Variants in STX8 observed in about 807,000 individuals in gnomAD.
STX8 encodes the protein syntaxin-8.
A neutral mutation model predicts 37.5 loss-of-function variants in STX8; 23 were observed. That is an observed-to-expected ratio of 0.61 (90% CI 0.44 to 0.87). STX8 has a LOEUF of 0.87. Ranked by LOEUF, STX8 falls within the 40% of genes least tolerant of loss-of-function variation. The probability of loss-of-function intolerance (pLI) is 0.00; values close to 1 mark genes in which losing one functional copy is unlikely to be tolerated. For missense variants in STX8, 313 were observed against 284.7 expected, an observed-to-expected ratio of 1.10 and a Z score of -0.71; for synonymous variants, 115 against 99.1, an observed-to-expected ratio of 1.16 and a Z score of -0.95.
intron 7 of STX8, among the ~76,000 whole-genome samples, chr17:9,299,160 C>T (rs1908672391): frequency 6.6e-6 from 1 of 152,064 alleles, no homozygotes. Flanking sequence ...TGGTGACCAA[C>T]ACAAGCCTTC....
chr17:9,296,358 C>A (rs986406211), intron 7 of STX8, among the ~76,000 whole-genome samples: 1 of 151,594 alleles, frequency 6.6e-6, no homozygotes, highest in Non-Finnish European at 1.5e-5. Context: ...ATTAGCCAGG[C>A]GTGGTGGTGC....
chr17:9,526,327 C>T (rs1330441036), intron 4 of STX8, among the ~76,000 whole-genome samples: 1 of 152,102 alleles, frequency 6.6e-6, no homozygotes, highest in Non-Finnish European at 1.5e-5. Context: ...AGTTATAACA[C>T]CGTATCAGAA....
chr17:9,342,261 C>A (rs888853788), intron 7 of STX8, among the ~76,000 whole-genome samples: 1 of 152,132 alleles, frequency 6.6e-6, no homozygotes, highest in Non-Finnish European at 1.5e-5. Flanking sequence ...TGCTGCTGTG[C>A]GGCCCAGTTC....
At chr17:9,548,017 T>C (rs1210878768) in intron 3 of STX8, among the ~76,000 whole-genome samples, 1 of 151,970 alleles carries the variant, frequency 6.6e-6, no homozygotes, top group Non-Finnish European at 1.5e-5. Flanking sequence ...GGTCTCAAAC[T>C]CCTAATCTAA....
In STX8 at chr17:9,352,014, G is replaced by A. The variant is rs139292394; in HGVS notation, c.643+26538C>T. On this transcript the variant is annotated intron_variant, in intron 7 of 7. Coordinates refer to ENST00000306357, the MANE Select transcript of STX8 (RefSeq NM_004853.3). ...AAAATACAAAAAATTAGCTGGGTAC[G>A]GTGGTGTGCGCCTATAGTCCCAGCT... Among the ~76,000 whole-genome samples the A allele has an allele frequency of 9.9e-5, 15 of 151,938 alleles. No individual in the cohort carries two copies. In the East Asian group the frequency reaches 1.4e-3, roughly 14 times the overall value.
At chr17:9,260,324 TAAAAGA>T (rs1323536350) in intron 7 of STX8, among the ~76,000 whole-genome samples, 1 of 145,878 alleles carries the variant, frequency 6.9e-6, no homozygotes, top group African/African-American at 2.5e-5. Flanking sequence ...CCCTGTCTCT[TAAAAGA>T]AAAGTCAAGA....
intron 6 of STX8, among the ~76,000 whole-genome samples, chr17:9,439,969 G>C (rs1904581107): frequency 6.6e-6 from 1 of 152,006 alleles, no homozygotes; most frequent in Non-Finnish European, 1.5e-5. Context: ...CATGGCAAAG[G>C]GTATTCTGCA....
chr17:9,556,780 T>TACAC (rs1567609043), intron 3 of STX8: 13 of 77,492 alleles, frequency 1.7e-4, no homozygotes, highest in Admixed American at 3.8e-4. Flanking sequence ...TATATATATA[T>TACAC]ATATATATAT....
At chr17:9,535,424 C>CCTTTTTTTT (rs1905992804) in intron 4 of STX8, among the ~76,000 whole-genome samples, 4 of 51,564 alleles carry the variant, frequency 7.8e-5, no homozygotes, top group African/African-American at 2.9e-4. Context: ...AGCCATCCTA[C>CCTTTTTTTT]TTTTTTTTTT....
chr17:9,417,871 G>C (rs1459324502), intron 6 of STX8, among the ~76,000 whole-genome samples: 1 of 152,196 alleles, frequency 6.6e-6, no homozygotes. Flanking sequence ...GAAGGGGGTT[G>C]CATGCTCACT....
intron 4 of STX8, among the ~76,000 whole-genome samples, chr17:9,528,878 A>G (rs1905686782): frequency 6.6e-6 from 1 of 152,202 alleles, no homozygotes; most frequent in African/African-American, 2.4e-5. Flanking sequence ...CCAGAGGGAA[A>G]GAGAAATACA....
chr17:9,550,703 G>C (rs1242071863), intron 3 of STX8, among the ~76,000 whole-genome samples: 3 of 152,190 alleles, frequency 2.0e-5, no homozygotes, highest in African/African-American at 7.2e-5. Context: ...AGATGGAGCG[G>C]GGTAAATATG....
chr17:9,360,213 G>A (rs78276947), intron 7 of STX8, among the ~76,000 whole-genome samples: 4,380 of 142,604 alleles, frequency 0.031, 131 homozygotes, highest in African/African-American at 0.08. Flanking sequence ...TACATATAAT[G>A]TAAAATTAAC....
intron 7 of STX8, among the ~76,000 whole-genome samples, chr17:9,350,064 T>C (rs1011688361): frequency 6.6e-6 from 1 of 152,198 alleles, no homozygotes; most frequent in African/African-American, 2.4e-5. Context: ...TAGGCTACTA[T>C]TGACCTCCTG....
At chr17:9,329,516 G>A (rs781516495) in intron 7 of STX8, among the ~76,000 whole-genome samples, 6 of 152,218 alleles carry the variant, frequency 3.9e-5, no homozygotes, top group Non-Finnish European at 7.3e-5. Flanking sequence ...CCATGAGCGT[G>A]TTAAGAGCAG....
chr17:9,480,895 T>TTTCTTTCTTTC (rs534475818), intron 6 of STX8, among the ~76,000 whole-genome samples: 10 of 151,056 alleles, frequency 6.6e-5, no homozygotes, highest in African/African-American at 2.5e-4. Context: ...TCTTTCTTTC[T>TTTCTTTCTTTC]TTTTTTTGAG....
intron 7 of STX8, among the ~76,000 whole-genome samples, chr17:9,323,970 C>T (rs1027458927): frequency 6.6e-6 from 1 of 151,964 alleles, no homozygotes; most frequent in Non-Finnish European, 1.5e-5. Context: ...CGCAGTGGGG[C>T]GGAGAGGCAT....
At chr17:9,512,685 T>C (rs1327542958) in intron 4 of STX8, among the ~76,000 whole-genome samples, 7 of 152,034 alleles carry the variant, frequency 4.6e-5, no homozygotes, top group East Asian at 1.9e-4. Context: ...AACTCCAATC[T>C]GCCCACCTCA....
At chr17:9,480,132 G>C (rs1211109024) in intron 6 of STX8, among the ~76,000 whole-genome samples, 1 of 152,106 alleles carries the variant, frequency 6.6e-6, no homozygotes, top group African/African-American at 2.4e-5. Flanking sequence ...GTCTCTAACT[G>C]TGTATCTGTG....
Sources: gnomAD v4.1 joint callset for allele counts (sites outside exome capture counted in the v4.1 genomes callset) on GRCh38, gnomAD v4.1.1 for gene constraint, MANE v1.5 for transcripts, NCBI Gene and HGNC (gene_info 2026-07-23, HGNC 2026-07-21) for gene names.